The following ADGRD1 variants were observed in gnomAD, a reference collection of about 807,000 sequenced individuals.
ADGRD1 encodes adhesion G protein-coupled receptor D1.
A neutral mutation model predicts 113.4 loss-of-function variants in ADGRD1; 77 were observed. That is an observed-to-expected ratio of 0.68 (90% CI 0.57 to 0.82). The LOEUF (loss-of-function observed/expected upper bound fraction) is 0.82, where lower values mean the gene tolerates loss of function less well. ADGRD1 is among the 40% of genes least tolerant of loss of function. ADGRD1 has a pLI of 0.00. For synonymous variants in ADGRD1, 474 were observed against 475.0 expected (o/e 1.00, Z 0.03); for missense variants, 1,036 against 1,139.1 (o/e 0.91, Z 1.30).
At position 130,971,954 on chromosome 12, in the gene ADGRD1, T is replaced by C. The variant is rs1307197319; in HGVS notation, c.310+374T>C. Reference sequence around the variant, plus strand: ...TGGCACCTGCAGTGTGATTTCTGGCTCTGGGATGTTGACGGTGAGCGGGCA... The same window carrying C: ...TGGCACCTGCAGTGTGATTTCTGGCCCTGGGATGTTGACGGTGAGCGGGCA... On this transcript the variant is annotated intron_variant, in intron 4 of 24. Transcript: ENST00000261654. The surrounding 1 kb of genome is among the most constrained non-coding windows in gnomAD (Gnocchi z 4.2). Among the ~76,000 whole-genome samples, 2 of 152,172 alleles carry C rather than the reference T, an allele frequency of 1.3e-5. No homozygotes were observed. The highest frequency in any genetic ancestry group is 4.8e-5 in the African/African-American group (2 of 41,440).
chr12:131,020,225 A>T (rs1879157523), intron 13 of ADGRD1, among the ~76,000 whole-genome samples: 4 of 136,914 alleles, frequency 2.9e-5, no homozygotes, highest in Non-Finnish European at 6.2e-5. Context: ...CAGGGGCAGG[A>T]CCCCGAGCTC....
chr12:131,042,298 C>T (rs1439737408), intron 13 of ADGRD1, among the ~76,000 whole-genome samples: 2 of 152,200 alleles, frequency 1.3e-5, no homozygotes, highest in East Asian at 1.9e-4. Flanking sequence ...GGCATCATCC[C>T]GACAAGCCTC....
intron 13 of ADGRD1, among the ~76,000 whole-genome samples, chr12:131,016,721 C>T (rs568379199): frequency 9.2e-5 from 14 of 152,244 alleles, no homozygotes; most frequent in South Asian, 2.1e-4. Flanking sequence ...GGTGAATTCC[C>T]GTCTCTACTA....
At chr12:131,004,918 G>A (rs1345464303) in intron 11 of ADGRD1, among the ~76,000 whole-genome samples, 2 of 152,340 alleles carry the variant, frequency 1.3e-5, no homozygotes, top group African/African-American at 2.4e-5. Context: ...CTGGAAAAGC[G>A]AATATGACTC....
intron 20 of ADGRD1, among the ~76,000 whole-genome samples, chr12:131,125,294 G>A (rs907230426): frequency 1.3e-5 from 2 of 152,126 alleles, no homozygotes; most frequent in Non-Finnish European, 2.9e-5. Flanking sequence ...TAGACACCCC[G>A]TTCCCCCAAA....
At chr12:131,139,109 G>A in intron 24 of ADGRD1, 59 bp from the exon 25 acceptor site, 1 of 1,355,514 alleles carries the variant, frequency 7.4e-7, no homozygotes. Context: ...CACTCACTGG[G>A]CTTATGGCTC....
In ADGRD1 at chr12:130,981,975, C is replaced by T. The variant is rs1481822155; in HGVS notation, c.402C>T (p.Phe134=). 6.2e-7 allele frequency: 1 copy of T among 1,613,600 alleles called. No individual in the cohort carries two copies. Among genetic ancestry groups the T allele is most frequent in the East Asian group, 2.2e-5 (1 of 44,884 alleles). ...AYGGQVISNG[F]KVCSSGGRGS... ...GGGGACAGGTCATCTCCAATGGGTT[C>T]AAAGTCTGCTCCAGCGGTGGCAGAG... is the stretch of plus-strand genomic sequence containing the variant. The change falls in exon 5 of 25, where the codon TTC becomes TTT. Residue 134 remains phenylalanine, a synonymous_variant. Coordinates refer to ENST00000261654, the MANE Select transcript of ADGRD1 (RefSeq NM_198827.5).
intron 17 of ADGRD1, 132 bp from the exon 18 acceptor site, chr12:131,108,592 A>C: frequency 7.9e-7 from 1 of 1,266,446 alleles, no homozygotes; most frequent in South Asian, 1.3e-5. Context: ...CAACAGGAAG[A>C]TACCCTGGGA....
intron 5 of ADGRD1, among the ~76,000 whole-genome samples, chr12:130,983,166 TAGC>T (rs1395636651): frequency 3.3e-5 from 5 of 152,148 alleles, no homozygotes; most frequent in Admixed American, 6.5e-5. Flanking sequence ...ATGGCAGTAA[TAGC>T]AGTATCACAT....
rs145140316 is a variant in ADGRD1, at chr12:131,104,855, C to T, written c.1696C>T (p.Leu566=). 5.8e-6 allele frequency: 9 copies of T among 1,549,778 alleles called. No homozygotes were observed. Among genetic ancestry groups the T allele is most frequent in the Middle Eastern group, 1.7e-4 (1 of 5,972 alleles). The change falls in exon 16 of 25, where the codon CTG becomes TTG. Residue 566 remains leucine, a synonymous_variant. Coordinates refer to ENST00000261654, the MANE Select transcript of ADGRD1 (RefSeq NM_198827.5). ...GCTTGCACGCGGACACCAGGTGGCG[C>T]TGTCGTCTATCAGCTATGTGGGCTG... ...LELARGHQVA[L]SSISYVGCSL...
intron 15 of ADGRD1, among the ~76,000 whole-genome samples, chr12:131,086,394 TG>T (rs746563595): frequency 9.9e-5 from 15 of 152,014 alleles, no homozygotes; most frequent in Non-Finnish European, 1.9e-4. Flanking sequence ...AGGGGTGCTG[TG>T]GGAAGGACAC....
intron 3 of ADGRD1, chr12:130,968,285 T>C (rs1391893737): frequency 6.6e-6 from 1 of 152,312 alleles, no homozygotes; most frequent in Non-Finnish European, 1.5e-5. Context: ...ATATATTGAC[T>C]TCCAGTAAAG....
At position 131,041,032 on chromosome 12, in the gene ADGRD1, C is replaced by G. The variant is rs1882083949; in HGVS notation, c.1473+26692C>G. Among the ~76,000 whole-genome samples the G allele has an allele frequency of 6.6e-6, 1 of 152,190 alleles. No individual in the cohort carries two copies. The highest frequency in any genetic ancestry group is 2.4e-5 in the African/African-American group (1 of 41,442). On this transcript the variant is annotated intron_variant, in intron 13 of 24. Coordinates refer to ENST00000261654, the MANE Select transcript of ADGRD1 (RefSeq NM_198827.5). This position sits in a 1 kb window ranked among gnomAD's most constrained non-coding sequence, Gnocchi z 4.4. ...CCCCCGGAGTTTGCCATCATCCCCA[C>G]CTGGATGGTCCCTGGGGACATCTGA...
chr12:130,983,615 C>T (rs1873278229), intron 5 of ADGRD1, among the ~76,000 whole-genome samples: 2 of 152,176 alleles, frequency 1.3e-5, no homozygotes, highest in African/African-American at 2.4e-5. Context: ...TTCTGGCTGG[C>T]AATGTGCTCT....
intron 4 of ADGRD1, among the ~76,000 whole-genome samples, chr12:130,972,116 C>A (rs1381669843): frequency 6.6e-6 from 1 of 152,142 alleles, no homozygotes; most frequent in Non-Finnish European, 1.5e-5. Flanking sequence ...AGCAGAGATG[C>A]AAAAGAAAAA....
intron 13 of ADGRD1, among the ~76,000 whole-genome samples, chr12:131,061,002 C>T (rs912338868): frequency 1.3e-5 from 2 of 152,204 alleles, no homozygotes; most frequent in East Asian, 1.9e-4. Context: ...CCTGGACACC[C>T]GTGAGACTCA....
intron 5 of ADGRD1, among the ~76,000 whole-genome samples, chr12:130,983,453 A>G (rs2136606179): frequency 6.6e-6 from 1 of 152,140 alleles, no homozygotes; most frequent in East Asian, 1.9e-4. Flanking sequence ...TTGCTATCAG[A>G]GTCCGATTGT....
At chr12:131,101,373 C>CTTTTTTTTTTTTTTTTTTTTTTTT (rs796951608) in intron 15 of ADGRD1, among the ~76,000 whole-genome samples, 2 of 79,352 alleles carry the variant, frequency 2.5e-5, no homozygotes, top group African/African-American at 5.4e-5. Context: ...CTTTTTCTTT[C>CTTTTTTTTTTTTTTTTTTTTTTTT]TTTCTTTTTT....
chr12:131,107,990 C>T (rs1426990106), intron 17 of ADGRD1, among the ~76,000 whole-genome samples: 2 of 152,156 alleles, frequency 1.3e-5, no homozygotes, highest in Non-Finnish European at 2.9e-5. Context: ...TTCCCAGCAC[C>T]TGGACTCACA....
Sources: allele counts gnomAD v4.1 joint callset (sites outside exome capture counted in the v4.1 genomes callset), GRCh38; gene constraint gnomAD v4.1.1; non-coding constraint Gnocchi (gnomAD v3.1); transcripts MANE v1.5; gene names NCBI Gene and HGNC (gene_info 2026-07-23, HGNC 2026-07-21).